TMEM232: variants seen among roughly 807,000 people sequenced by gnomAD.
The protein encoded by TMEM232 is transmembrane protein 232.
Under a neutral mutation model 78.8 loss-of-function variants are expected in TMEM232, and 80 were observed. The observed-to-expected ratio is 1.01, with a 90% CI of 0.85 to 1.22. The LOEUF is 1.22. Ranked by LOEUF, TMEM232 falls within the 50% of genes most tolerant of loss-of-function variation. The probability of loss-of-function intolerance (pLI) is 0.00; values close to 1 mark genes in which losing one functional copy is unlikely to be tolerated. For synonymous variants in TMEM232, 297 were observed against 254.3 expected (o/e 1.17, Z -1.60); for missense variants, 881 against 742.2 (o/e 1.19, Z -2.17).
chr5:110,516,155 C>T (rs373653114), intron 12 of TMEM232, among the ~76,000 whole-genome samples: 1 of 152,048 alleles, frequency 6.6e-6, no homozygotes, highest in Admixed American at 6.6e-5. Context: ...AGGAGAACGG[C>T]GTGAACCTGG....
At chr5:110,648,509 C>T (rs1787835055) in intron 2 of TMEM232, among the ~76,000 whole-genome samples, 1 of 152,016 alleles carries the variant, frequency 6.6e-6, no homozygotes, top group Admixed American at 6.6e-5. Context: ...AACATTCTAT[C>T]TTGTGAACCA....
At chr5:110,677,751 G>T (rs1792200893) in intron 1 of TMEM232, among the ~76,000 whole-genome samples, 1 of 152,034 alleles carries the variant, frequency 6.6e-6, no homozygotes, top group African/African-American at 2.4e-5. Flanking sequence ...TGAAAATACA[G>T]CAAAATTTTA....
intron 12 of TMEM232, among the ~76,000 whole-genome samples, chr5:110,437,184 G>A (rs931813734): frequency 1.3e-5 from 2 of 151,638 alleles, no homozygotes; most frequent in Non-Finnish European, 2.9e-5. Flanking sequence ...TAATTCCTAT[G>A]TATTTAATTT....
intron 2 of TMEM232, among the ~76,000 whole-genome samples, chr5:110,659,844 T>C (rs1309710101): frequency 2.6e-5 from 4 of 151,626 alleles, no homozygotes; most frequent in African/African-American, 9.7e-5. Context: ...AAATCACAGA[T>C]CAGAATAAAA....
chr5:110,644,786 A>G lies in TMEM232; in HGVS notation c.126-2415T>C, dbSNP rs188120806. On this transcript the variant is annotated intron_variant, in intron 2 of 13. Transcript: ENST00000455884. ...AGTAGAAATAAATTAAAGAATAAAA[A>G]ACTAAAAATCATCAAAACTAAGAGC... 6.8e-4 allele frequency among the ~76,000 whole-genome samples: 104 copies of G among 151,828 alleles called. 1 individual carries two copies. Among genetic ancestry groups the G allele is most frequent in the African/African-American group, 2.4e-3 (101 of 41,536 alleles).
intron 2 of TMEM232, among the ~76,000 whole-genome samples, chr5:110,403,147 C>T (rs1030769115): frequency 2.0e-5 from 3 of 152,020 alleles, no homozygotes; most frequent in Non-Finnish European, 4.4e-5. Context: ...AGGTTCAAGG[C>T]CCTAATATGA....
chr5:110,604,123 T>C lies in TMEM232; in HGVS notation c.1276+986A>G, dbSNP rs1003047975. The stretch of plus-strand genomic sequence containing the variant: ...GGTTACTAGAAATATAATTCAGACA[T>C]GATTCTTCAGTATCAATTATCTCAG... On this transcript the variant is annotated intron_variant, in intron 10 of 13. Coordinates refer to ENST00000455884, the MANE Select transcript of TMEM232 (RefSeq NM_001039763.4). Among the ~76,000 whole-genome samples the C allele has an allele frequency of 3.3e-5, 5 of 152,166 alleles. No homozygotes were observed. In the East Asian group the frequency reaches 9.6e-4, roughly 29 times the overall value.
chr5:110,512,371 CAGT>C (rs1176939564), intron 12 of TMEM232, among the ~76,000 whole-genome samples: 1 of 152,154 alleles, frequency 6.6e-6, no homozygotes, highest in Non-Finnish European at 1.5e-5. Flanking sequence ...GAGTCACGAG[CAGT>C]AGTTCTAGAC....
intron 12 of TMEM232, among the ~76,000 whole-genome samples, chr5:110,485,180 G>A (rs1764327978): frequency 6.6e-6 from 1 of 151,950 alleles, no homozygotes; most frequent in Admixed American, 6.6e-5. Context: ...CAAATATGCA[G>A]ATAACAAGAT....
At chr5:110,634,358 T>C (rs1785521171) in intron 5 of TMEM232, among the ~76,000 whole-genome samples, 1 of 152,110 alleles carries the variant, frequency 6.6e-6, no homozygotes, top group Non-Finnish European at 1.5e-5. Context: ...TTAAAGATAT[T>C]CACAGAATAT....
intron 4 of TMEM232, among the ~76,000 whole-genome samples, chr5:110,640,280 T>G (rs893154653): frequency 1.3e-5 from 2 of 152,136 alleles, no homozygotes; most frequent in African/African-American, 4.8e-5. Flanking sequence ...CAAAACCTAA[T>G]TTACATGGGG....
chr5:110,558,027 C>T (rs1488173764), intron 11 of TMEM232, among the ~76,000 whole-genome samples: 1 of 152,148 alleles, frequency 6.6e-6, no homozygotes, highest in Non-Finnish European at 1.5e-5. Context: ...GTCTCATTAA[C>T]TGGTTTTGTT....
intron 7 of TMEM232, among the ~76,000 whole-genome samples, chr5:110,622,509 A>C (rs1219148584): frequency 2.6e-5 from 4 of 152,138 alleles, no homozygotes; most frequent in Non-Finnish European, 5.9e-5. Flanking sequence ...TGTCCCTACA[A>C]AGGACATGAA....
intron 2 of TMEM232, among the ~76,000 whole-genome samples, chr5:110,410,312 A>G (rs559253438): frequency 6.6e-6 from 1 of 152,348 alleles, no homozygotes; most frequent in East Asian, 1.9e-4. Context: ...ATACTCATGC[A>G]TACGGTATTT....
At chr5:110,400,888 A>C (rs2112568844) in intron 2 of TMEM232, among the ~76,000 whole-genome samples, 1 of 152,086 alleles carries the variant, frequency 6.6e-6, no homozygotes, top group Admixed American at 6.6e-5. Context: ...TCCTAGGTAA[A>C]ATTGTTTTTT....
chr5:110,719,199 ATATATATGTG>A (rs1428161131), intron 1 of TMEM232, among the ~76,000 whole-genome samples: 1 of 151,786 alleles, frequency 6.6e-6, no homozygotes, highest in Non-Finnish European at 1.5e-5. Flanking sequence ...GTATATATGT[ATATATATGTG>A]TATATATGTA....
At chr5:110,620,325 C>T (rs1783470347) in intron 7 of TMEM232, among the ~76,000 whole-genome samples, 4 of 152,052 alleles carry the variant, frequency 2.6e-5, no homozygotes, top group Admixed American at 2.0e-4. Context: ...TACTCTGAGA[C>T]CATAAGAAAT....
chr5:110,698,893 G>C (rs968938336), intron 1 of TMEM232, among the ~76,000 whole-genome samples: 1 of 151,952 alleles, frequency 6.6e-6, no homozygotes, highest in South Asian at 2.1e-4. Context: ...TATTCCTTCT[G>C]AGAGCAATTG....
intron 11 of TMEM232, among the ~76,000 whole-genome samples, chr5:110,558,290 A>G (rs566231647): frequency 3.3e-5 from 5 of 152,228 alleles, no homozygotes; most frequent in African/African-American, 9.6e-5. Flanking sequence ...GCATCAGGGC[A>G]GTGATATGGC....
Sources: gnomAD v4.1 joint callset for allele counts (sites outside exome capture counted in the v4.1 genomes callset) on GRCh38, gnomAD v4.1.1 for gene constraint, MANE v1.5 for transcripts, NCBI Gene and HGNC (gene_info 2026-07-23, HGNC 2026-07-21) for gene names.